Variants in EYS observed in about 807,000 individuals in gnomAD.
EYS encodes EGF-like photoreceptor maintenance factor.
EYS carries 250 observed loss-of-function variants against 282.1 expected under a neutral mutation model. The observed-to-expected ratio is 0.89, with a 90% CI of 0.80 to 0.98. The LOEUF (loss-of-function observed/expected upper bound fraction) is 0.98, where lower values mean the gene tolerates loss of function less well. Among genes scored for constraint, EYS ranks in the 50% least tolerant of loss-of-function variants. EYS has a pLI of 0.00. For missense variants in EYS, 4,016 were observed against 3,709.0 expected (o/e 1.08, Z -2.15); for synonymous variants, 1,355 against 1,282.9 (o/e 1.06, Z -1.20).
intron 26 of EYS, among the ~76,000 whole-genome samples, chr6:64,587,285 G>A (rs1383701491): frequency 6.6e-6 from 1 of 151,874 alleles, no homozygotes; most frequent in East Asian, 1.9e-4. Flanking sequence ...TTTCTATTAT[G>A]GAAATACCAC....
intron 5 of EYS, among the ~76,000 whole-genome samples, chr6:65,441,517 G>T (rs1174460990): frequency 1.3e-5 from 2 of 151,978 alleles, no homozygotes; most frequent in African/African-American, 4.8e-5. Flanking sequence ...TCACTAAACA[G>T]TTAGGTCTTT....
At chr6:64,430,643 C>T (rs1417192855) in intron 28 of EYS, among the ~76,000 whole-genome samples, 2 of 152,092 alleles carry the variant, frequency 1.3e-5, no homozygotes, top group South Asian at 2.1e-4. Context: ...AAATAATTCT[C>T]ATCTTGTTTA....
At chr6:64,187,181 G>A (rs943448796) in intron 31 of EYS, among the ~76,000 whole-genome samples, 11 of 152,040 alleles carry the variant, frequency 7.2e-5, no homozygotes, top group Admixed American at 3.9e-4. Context: ...GTGTGCATTT[G>A]TACTTGGTGC....
chr6:65,089,111 T>C (rs1205637167), intron 12 of EYS, among the ~76,000 whole-genome samples: 2 of 152,242 alleles, frequency 1.3e-5, no homozygotes, highest in East Asian at 3.9e-4. Context: ...AGAACCTCTG[T>C]TAGGGCAGTG....
At chr6:65,608,115 C>A (rs1765865353) in intron 2 of EYS, among the ~76,000 whole-genome samples, 1 of 151,842 alleles carries the variant, frequency 6.6e-6, no homozygotes, top group African/African-American at 2.4e-5. Flanking sequence ...TATCATTAGG[C>A]AATTTTGTTA....
At chr6:63,907,987 TACACAC>T (rs60426309) in intron 35 of EYS, among the ~76,000 whole-genome samples, 9 of 105,902 alleles carry the variant, frequency 8.5e-5, no homozygotes, top group Admixed American at 1.1e-4. Flanking sequence ...TGTATATATG[TACACAC>T]ACACACACAC....
intron 19 of EYS, among the ~76,000 whole-genome samples, chr6:64,861,912 C>T (rs547734328): frequency 6.6e-5 from 10 of 152,238 alleles, no homozygotes; most frequent in Admixed American, 3.3e-4. Flanking sequence ...TCTTTCTTTA[C>T]GTAGATTTCA....
At chr6:64,439,396 T>C (rs1163675914) in intron 26 of EYS, 44 bp from the exon 27 acceptor site, 1 of 1,264,098 alleles carries the variant, frequency 7.9e-7, no homozygotes, top group Non-Finnish European at 1.1e-6. Context: ...GAAATAAATA[T>C]TCAATACCTA....
chr6:64,757,889 G>T (rs895637319), intron 22 of EYS, among the ~76,000 whole-genome samples: 1 of 151,676 alleles, frequency 6.6e-6, no homozygotes, highest in East Asian at 2.0e-4. Flanking sequence ...GCTTCACGCC[G>T]TTCTCCTGCC....
rs1775555231 is a variant in EYS at position 64,456,179 on chromosome 6, CCATGTCAAACAACAAAATTGTGGATTT to C, written c.5645-16854_5645-16828del. On this transcript the variant is annotated intron_variant, in intron 26 of 42. Transcript: ENST00000503581. ...TTTTAGTTGACCCACCACTCAAATT[CCATGTCAAACAACAAAATTGTGGATTT>C]CACACATCCTAAACTAACTACAAAA... Among the ~76,000 whole-genome samples the C allele has an allele frequency of 2.0e-5, 3 of 151,998 alleles. No homozygotes were observed. In the South Asian group the frequency reaches 6.2e-4, roughly 32 times the overall value.
intron 35 of EYS, among the ~76,000 whole-genome samples, chr6:63,876,462 G>C (rs1171744464): frequency 1.3e-5 from 2 of 152,216 alleles, no homozygotes; most frequent in Non-Finnish European, 2.9e-5. Context: ...ATTTGGGGTT[G>C]AGAGTTCTGT....
In EYS at chr6:65,296,132, G is replaced by A. The variant is rs1325231310; in HGVS notation, c.1767-13C>T. On this transcript the variant is annotated splice_polypyrimidine_tract_variant and intron_variant, in intron 11 of 42. Coordinates refer to ENST00000503581, the MANE Select transcript of EYS (RefSeq NM_001142800.2). The stretch of plus-strand genomic sequence containing the variant: ...AGAACAGCTGCATCTGAAACACAGA[G>A]AAATGAAAAACCCAATTAGTCATAT... The A allele has an allele frequency of 1.3e-6, 2 of 1,534,466 alleles. No individual in the cohort carries two copies. The highest frequency in any genetic ancestry group is 2.2e-5 in the Admixed American group (1 of 45,590).
rs553430631 is a variant in EYS, at chr6:65,091,158, G to A, written c.2024-33431C>T. Among the ~76,000 whole-genome samples the A allele has an allele frequency of 2.0e-5, 3 of 151,350 alleles. No individual in the cohort carries two copies. The South Asian group carries it at 6.3e-4, about 32-fold the overall frequency. On this transcript the variant is annotated intron_variant, in intron 12 of 42. Transcript: ENST00000503581. Reference sequence around the variant, plus strand: ...TATTATAAATTTTAAAAACTGCCAGGCACGGTGGCTTAAGCCTGTAATCCT... The same window carrying A: ...TATTATAAATTTTAAAAACTGCCAGACACGGTGGCTTAAGCCTGTAATCCT...
At chr6:64,499,381 T>G (rs1426077560) in intron 26 of EYS, among the ~76,000 whole-genome samples, 2 of 152,188 alleles carry the variant, frequency 1.3e-5, no homozygotes, top group Non-Finnish European at 2.9e-5. Flanking sequence ...TAGAAACTGC[T>G]AATCAGCTTT....
chr6:64,223,075 G>T (rs897359720), intron 31 of EYS, among the ~76,000 whole-genome samples: 1 of 151,654 alleles, frequency 6.6e-6, no homozygotes, highest in Non-Finnish European at 1.5e-5. Flanking sequence ...GGCTTAAATG[G>T]CATTTCCTCA....
At chr6:64,098,685 C>T (rs981965646) in intron 31 of EYS, among the ~76,000 whole-genome samples, 1 of 151,410 alleles carries the variant, frequency 6.6e-6, no homozygotes, top group Admixed American at 6.6e-5. Context: ...ACTGCAACCT[C>T]TGCCTCTGGG....
At chr6:64,443,084 G>T (rs949319157) in intron 26 of EYS, among the ~76,000 whole-genome samples, 2 of 152,196 alleles carry the variant, frequency 1.3e-5, no homozygotes, top group African/African-American at 4.8e-5. Context: ...GAGAGAAGCT[G>T]TACCCTGCAA....
At chr6:63,756,672 G>T (rs917824298) in intron 41 of EYS, among the ~76,000 whole-genome samples, 1 of 151,996 alleles carries the variant, frequency 6.6e-6, no homozygotes, top group Non-Finnish European at 1.5e-5. Context: ...GGGAAGTCAG[G>T]ACCCCAAACG....
intron 26 of EYS, among the ~76,000 whole-genome samples, chr6:64,503,814 A>T (rs1474167221): frequency 6.6e-6 from 1 of 152,100 alleles, no homozygotes; most frequent in East Asian, 1.9e-4. Flanking sequence ...ATATCAGGGG[A>T]GGGGCCTGGT....
Sources: allele counts gnomAD v4.1 joint callset (sites outside exome capture counted in the v4.1 genomes callset), GRCh38; gene constraint gnomAD v4.1.1; transcripts MANE v1.5; gene names NCBI Gene and HGNC (gene_info 2026-07-23, HGNC 2026-07-21).